The following SPRED2 variants were observed in gnomAD, a reference collection of about 807,000 sequenced individuals.
The protein encoded by SPRED2 is sprouty-related, EVH1 domain-containing protein 2.
In SPRED2, 47 loss-of-function variants were observed where a neutral mutation model predicts 43.0. That is an observed-to-expected ratio of 1.09 (90% CI 0.87 to 1.40). The LOEUF is 1.40. Ranked by LOEUF, SPRED2 falls within the 40% of genes most tolerant of loss-of-function variation. The pLI is 0.00. For synonymous variants in SPRED2, 225 were observed against 225.7 expected (o/e 1.00, Z 0.03); for missense variants, 561 against 586.4 (o/e 0.96, Z 0.45).
rs538601157 is a variant in SPRED2 at position 65,388,300 on chromosome 2, G to A, written c.27-43404C>T. On this transcript the variant is annotated intron_variant, in intron 1 of 5. Coordinates refer to ENST00000356388, the MANE Select transcript of SPRED2 (RefSeq NM_181784.3). ...AATATGAGCCCTCAAGGTAGAGATC[G>A]CGTGTCTCCTATTAGGGGCCGGGCC... 3.5e-4 allele frequency among the ~76,000 whole-genome samples: 53 copies of A among 152,298 alleles called. 1 individual carries two copies. Among genetic ancestry groups the A allele is most frequent in the Admixed American group, 2.6e-3 (40 of 15,300 alleles).
intron 1 of SPRED2, among the ~76,000 whole-genome samples, chr2:65,417,008 TTC>T (rs1040358200): frequency 6.6e-6 from 1 of 152,118 alleles, no homozygotes; most frequent in Non-Finnish European, 1.5e-5. Flanking sequence ...CTCCTCCTTC[TTC>T]TCTCTCTTTG....
chr2:65,406,472 T>C (rs1676026031), intron 1 of SPRED2, among the ~76,000 whole-genome samples: 1 of 152,198 alleles, frequency 6.6e-6, no homozygotes, highest in Non-Finnish European at 1.5e-5. Flanking sequence ...GCACACAAGT[T>C]TGTTTGTAAG....
chr2:65,313,361 G>A lies in SPRED2; in HGVS notation c.*140C>T. On this transcript the variant is annotated 3_prime_UTR_variant, in exon 6 of 6. Transcript: ENST00000356388. Reference sequence around the variant, plus strand: ...CGGCAGCGTCCCTGGCTGGAATGGTGCCTCGAGGTACCAGGGAGCTGGGAG... The same window carrying A: ...CGGCAGCGTCCCTGGCTGGAATGGTACCTCGAGGTACCAGGGAGCTGGGAG... The A allele has an allele frequency of 6.7e-7, 1 of 1,492,954 alleles. No individual in the cohort carries two copies. Among genetic ancestry groups the A allele is most frequent in the Non-Finnish European group, 8.8e-7 (1 of 1,130,646 alleles). The allele number at this position is 1,492,954 out of a possible 1,614,324, so 92.5% of individuals were successfully genotyped here. A position where few individuals can be genotyped will look rare whatever the true frequency, so the allele number is the denominator to read the frequency against.
chr2:65,348,468 G>A (rs1674414578), intron 1 of SPRED2, among the ~76,000 whole-genome samples: 4 of 151,612 alleles, frequency 2.6e-5, no homozygotes, highest in African/African-American at 9.7e-5. Context: ...GTTGCGGAAT[G>A]AATGGGGTTA....
rs1328961738 is a variant in SPRED2, at chr2:65,432,110, G to A, written c.-123C>T. The A allele has an allele frequency of 8.6e-6, 11 of 1,276,818 alleles. No individual in the cohort carries two copies. Among genetic ancestry groups the A allele is most frequent in the Admixed American group, 1.9e-5 (1 of 52,540 alleles). 79.1% of individuals were successfully genotyped at this position (1,276,818 alleles called of 1,614,324 possible). The stretch of plus-strand genomic sequence containing the variant: ...CTGATTTGGGGAGGGGGGGCGGCTA[G>A]AGATGAAGAGGGCGCCGCAGCAGAA... On this transcript the variant is annotated 5_prime_UTR_variant, in exon 1 of 6. Coordinates refer to ENST00000356388, the MANE Select transcript of SPRED2 (RefSeq NM_181784.3).
chr2:65,368,949 C>A (rs1675050895), intron 1 of SPRED2, among the ~76,000 whole-genome samples: 1 of 152,108 alleles, frequency 6.6e-6, no homozygotes. Context: ...GTGGTGCATG[C>A]CTGTGGTCCC....
chr2:65,312,598 C>T lies in SPRED2; in HGVS notation c.*903G>A, dbSNP rs968092514. On this transcript the variant is annotated 3_prime_UTR_variant, in exon 6 of 6. Coordinates refer to ENST00000356388, the MANE Select transcript of SPRED2 (RefSeq NM_181784.3). Reference sequence around the variant, plus strand: ...CAAAATTTCTTACTTCACTAGTATCCTATTCTAATATTGCTAAATTTTTAG... The same window carrying T: ...CAAAATTTCTTACTTCACTAGTATCTTATTCTAATATTGCTAAATTTTTAG... The T allele has an allele frequency of 1.0e-5, 10 of 985,588 alleles. No homozygotes were observed. The highest frequency in any genetic ancestry group is 1.2e-5 in the Non-Finnish European group (10 of 829,884). 61.1% of individuals were successfully genotyped at this position (985,588 alleles called of 1,614,324 possible). A position where few individuals can be genotyped will look rare whatever the true frequency, so the allele number is the denominator to read the frequency against.
At chr2:65,326,009 TTTGA>T (rs1673603242) in intron 4 of SPRED2, among the ~76,000 whole-genome samples, 1 of 152,006 alleles carries the variant, frequency 6.6e-6, no homozygotes, top group Non-Finnish European at 1.5e-5. Context: ...CAGGATTAAT[TTTGA>T]TTGATTAAGT....
chr2:65,343,899 C>T (rs1674259369), intron 2 of SPRED2, among the ~76,000 whole-genome samples: 1 of 152,078 alleles, frequency 6.6e-6, no homozygotes, highest in African/African-American at 2.4e-5. Flanking sequence ...GTAATCCCAG[C>T]ATTTTGGGAG....
intron 1 of SPRED2, among the ~76,000 whole-genome samples, chr2:65,381,457 A>C (rs1364895553): frequency 6.6e-6 from 1 of 152,190 alleles, no homozygotes; most frequent in Non-Finnish European, 1.5e-5. Flanking sequence ...TCTAACCTGC[A>C]GTTTCTCTAT....
At chr2:65,324,838 C>T (rs540025242) in intron 4 of SPRED2, among the ~76,000 whole-genome samples, 5 of 152,140 alleles carry the variant, frequency 3.3e-5, no homozygotes, top group African/African-American at 7.2e-5. Flanking sequence ...CAGGACGAGC[C>T]GGACAGATTT....
intron 1 of SPRED2, among the ~76,000 whole-genome samples, chr2:65,399,505 C>T (rs1156711291): frequency 2.0e-5 from 3 of 150,472 alleles, no homozygotes; most frequent in Admixed American, 2.0e-4. Flanking sequence ...GCCTCAGCCT[C>T]CCTAGTAGCT....
intron 1 of SPRED2, among the ~76,000 whole-genome samples, chr2:65,370,961 G>A (rs1055573460): frequency 6.6e-6 from 1 of 152,190 alleles, no homozygotes; most frequent in African/African-American, 2.4e-5. Context: ...TGATCTGGAA[G>A]AGGCATGCAG....
intron 1 of SPRED2, among the ~76,000 whole-genome samples, chr2:65,348,665 T>C (rs931528124): frequency 4.0e-5 from 6 of 151,458 alleles, no homozygotes; most frequent in Non-Finnish European, 8.8e-5. Context: ...TTAGCTGGGC[T>C]TGATGGTGGG....
intron 1 of SPRED2, among the ~76,000 whole-genome samples, chr2:65,380,839 A>G (rs1395275558): frequency 1.3e-5 from 1 of 76,014 alleles, no homozygotes; most frequent in African/African-American, 4.1e-5. Context: ...GCCTTAAAAC[A>G]ACAAAAAATT....
chr2:65,411,830 A>G (rs1460656772), intron 1 of SPRED2, among the ~76,000 whole-genome samples: 1 of 152,182 alleles, frequency 6.6e-6, no homozygotes, highest in Non-Finnish European at 1.5e-5. Context: ...TTTAACATTT[A>G]AGAAAATGAA....
At chr2:65,322,295 T>TATATATATATA (rs1491266235) in intron 4 of SPRED2, among the ~76,000 whole-genome samples, 5 of 44,984 alleles carry the variant, frequency 1.1e-4, no homozygotes, top group South Asian at 8.9e-4. Context: ...TATATATATA[T>TATATATATATA]TTTTTTTTTT....
intron 1 of SPRED2, among the ~76,000 whole-genome samples, chr2:65,399,255 G>A (rs1675827011): frequency 6.9e-6 from 1 of 144,218 alleles, no homozygotes; most frequent in Non-Finnish European, 1.5e-5. Flanking sequence ...GTCAACAAGA[G>A]CGAAAATCTG....
chr2:65,388,716 C>A (rs1470883520), intron 1 of SPRED2, among the ~76,000 whole-genome samples: 2 of 151,380 alleles, frequency 1.3e-5, no homozygotes, highest in Non-Finnish European at 1.5e-5. Flanking sequence ...AACAGGCACA[C>A]CACACACACA....
Sources: allele counts gnomAD v4.1 joint callset (sites outside exome capture counted in the v4.1 genomes callset), GRCh38; gene constraint gnomAD v4.1.1; transcripts MANE v1.5; gene names NCBI Gene and HGNC (gene_info 2026-07-23, HGNC 2026-07-21).